Variants in PPFIA2 observed in about 807,000 individuals in gnomAD.
The protein encoded by PPFIA2 is liprin-alpha-2.
A neutral mutation model predicts 175.5 loss-of-function variants in PPFIA2; 46 were observed. The ratio of observed to expected loss-of-function variants is 0.26; its 90% CI spans 0.21 to 0.34. The LOEUF is 0.34. Among genes scored for constraint, PPFIA2 ranks in the 10% least tolerant of loss-of-function variants. The pLI, the probability that PPFIA2 is intolerant of heterozygous loss-of-function variation, is 1.00. For missense variants in PPFIA2, 1,179 were observed against 1,506.1 expected (o/e 0.78, Z 3.60); for synonymous variants, 568 against 511.4 (o/e 1.11, Z -1.49).
intron 4 of PPFIA2, among the ~76,000 whole-genome samples, chr12:81,650,353 G>C (rs1272625017): frequency 6.6e-6 from 1 of 151,612 alleles, no homozygotes; most frequent in Non-Finnish European, 1.5e-5. Context: ...TTTCTCTATT[G>C]TACCTGAGTA....
chr12:81,265,291 C>CCA (rs1555194468), intron 30 of PPFIA2, among the ~76,000 whole-genome samples: 2,357 of 69,974 alleles, frequency 0.034, 46 homozygotes, highest in African/African-American at 0.064. Context: ...GAAACTCTGT[C>CCA]AAAAAAAAAA....
chr12:81,499,562 CTTTGT>C (rs879751799), intron 4 of PPFIA2, among the ~76,000 whole-genome samples: 1 of 152,118 alleles, frequency 6.6e-6, no homozygotes, highest in Admixed American at 6.6e-5. Flanking sequence ...ACCAGGATAG[CTTTGT>C]ACTGTGCTAA....
chr12:81,385,419 T>C (rs984930193), intron 8 of PPFIA2, among the ~76,000 whole-genome samples: 1 of 152,098 alleles, frequency 6.6e-6, no homozygotes, highest in Non-Finnish European at 1.5e-5. Context: ...CAATGCAAAA[T>C]TATTTACAAT....
Position 81,341,062 on chromosome 12 carries a change from G to T in PPFIA2, c.2393+16C>A. 1.2e-6 allele frequency: 2 copies of T among 1,601,840 alleles called. No homozygotes were observed. Among genetic ancestry groups the T allele is most frequent in the Non-Finnish European group, 1.7e-6 (2 of 1,170,528 alleles). The stretch of plus-strand genomic sequence containing the variant: ...AAGGAGGGCATTCAGTGTGCAGTGT[G>T]CCTGCAGAGTCTTACCTTCGAGCAT... On this transcript the variant is annotated intron_variant, in intron 20 of 32. Transcript: ENST00000549396.
chr12:81,472,889 T>C (rs747243831), intron 4 of PPFIA2: 4 of 152,256 alleles, frequency 2.6e-5, no homozygotes, highest in Non-Finnish European at 4.4e-5. Context: ...GAATCTCAGA[T>C]GACTCTGCTT....
chr12:81,550,960 A>G (rs981835584), intron 4 of PPFIA2, among the ~76,000 whole-genome samples: 1 of 151,954 alleles, frequency 6.6e-6, no homozygotes, highest in Admixed American at 6.6e-5. Flanking sequence ...GGAGTTATCA[A>G]TGGTGATAAA....
intron 32 of PPFIA2, chr12:81,260,820 C>T (rs1007708567): frequency 2.0e-5 from 3 of 152,008 alleles, no homozygotes; most frequent in Non-Finnish European, 2.9e-5. Context: ...TTCTAAATAT[C>T]GCTCTTAAAA....
chr12:81,625,811 T>G (rs1294555572), intron 4 of PPFIA2, among the ~76,000 whole-genome samples: 1 of 148,856 alleles, frequency 6.7e-6, no homozygotes, highest in Non-Finnish European at 1.5e-5. Context: ...TTCCTTCTAC[T>G]TTTACTTCCT....
At chr12:81,758,761 C>T (rs961525391) in intron 1 of PPFIA2, 2 of 158,326 alleles carry the variant, frequency 1.3e-5, no homozygotes, top group African/African-American at 4.8e-5. Context: ...TTTGCCAGAA[C>T]AGCCGCAGCT....
At chr12:81,582,967 A>G (rs1336292500) in intron 4 of PPFIA2, among the ~76,000 whole-genome samples, 1 of 151,892 alleles carries the variant, frequency 6.6e-6, no homozygotes, top group Non-Finnish European at 1.5e-5. Flanking sequence ...ATCACTTCCT[A>G]TGTTCATTAC....
intron 21 of PPFIA2, among the ~76,000 whole-genome samples, chr12:81,335,969 A>G (rs1267845771): frequency 6.6e-6 from 1 of 152,110 alleles, no homozygotes; most frequent in African/African-American, 2.4e-5. Context: ...AATTCTTTAC[A>G]TGGAAGAACA....
At chr12:81,617,530 T>C (rs2061530938) in intron 4 of PPFIA2, among the ~76,000 whole-genome samples, 1 of 152,206 alleles carries the variant, frequency 6.6e-6, no homozygotes, top group African/African-American at 2.4e-5. Flanking sequence ...ATGATACCTG[T>C]AAACATGTAG....
At chr12:81,308,740 C>T (rs552325944) in intron 22 of PPFIA2, among the ~76,000 whole-genome samples, 17 of 152,260 alleles carry the variant, frequency 1.1e-4, no homozygotes, top group Admixed American at 5.9e-4. Flanking sequence ...AAAGAACAAA[C>T]GAACTGTGGC....
At chr12:81,597,113 T>G (rs2059330532) in intron 4 of PPFIA2, among the ~76,000 whole-genome samples, 1 of 152,112 alleles carries the variant, frequency 6.6e-6, no homozygotes, top group African/African-American at 2.4e-5. Flanking sequence ...CTGTCTATAT[T>G]TCCATAATGT....
At chr12:81,263,736 A>G (rs548046280) in intron 30 of PPFIA2, among the ~76,000 whole-genome samples, 1 of 152,354 alleles carries the variant, frequency 6.6e-6, no homozygotes, top group African/African-American at 2.4e-5. Flanking sequence ...TTATGGAAAG[A>G]GATGATATAC....
At chr12:81,605,758 C>A (rs1046370140) in intron 4 of PPFIA2, among the ~76,000 whole-genome samples, 4 of 151,696 alleles carry the variant, frequency 2.6e-5, no homozygotes, top group Non-Finnish European at 5.9e-5. Context: ...CTAACAGTAT[C>A]CATACCCTTA....
intron 23 of PPFIA2, among the ~76,000 whole-genome samples, chr12:81,297,900 C>G (rs2046881478): frequency 6.6e-6 from 1 of 152,180 alleles, no homozygotes; most frequent in Non-Finnish European, 1.5e-5. Flanking sequence ...GATCACTCAG[C>G]TCATTCATCT....
intron 5 of PPFIA2, among the ~76,000 whole-genome samples, chr12:81,447,012 C>G (rs74104279): frequency 6.6e-6 from 1 of 151,914 alleles, no homozygotes; most frequent in Non-Finnish European, 1.5e-5. Context: ...AAGGATCAAA[C>G]TAATCGCCGG....
chr12:81,643,429 T>C (rs1295127826), intron 4 of PPFIA2, among the ~76,000 whole-genome samples: 1 of 152,024 alleles, frequency 6.6e-6, no homozygotes, highest in East Asian at 1.9e-4. Context: ...TCTAGTTCTT[T>C]AGACTCTGGA....
Sources: allele counts gnomAD v4.1 joint callset (sites outside exome capture counted in the v4.1 genomes callset), GRCh38; gene constraint gnomAD v4.1.1; transcripts MANE v1.5; gene names NCBI Gene and HGNC (gene_info 2026-07-23, HGNC 2026-07-21).